MAML3: variants seen among roughly 807,000 people sequenced by gnomAD.
MAML3 encodes the protein mastermind-like protein 3.
MAML3 carries 27 observed loss-of-function variants against 101.9 expected under a neutral mutation model. That is an observed-to-expected ratio of 0.27 (90% CI 0.20 to 0.37). The LOEUF (loss-of-function observed/expected upper bound fraction) is 0.37. Among genes scored for constraint, MAML3 ranks in the 10% least tolerant of loss-of-function variants. The pLI is 1.00. For missense variants in MAML3, 1,316 were observed against 1,444.9 expected (o/e 0.91, Z 1.45); for synonymous variants, 501 against 555.9 (o/e 0.90, Z 1.39).
intron 1 of MAML3, among the ~76,000 whole-genome samples, chr4:140,149,390 G>A (rs1419583430): frequency 6.6e-6 from 1 of 152,158 alleles, no homozygotes. Flanking sequence ...CTCTGTGGCA[G>A]CCTGGAGCCA....
intron 1 of MAML3, among the ~76,000 whole-genome samples, chr4:140,116,435 C>T (rs1728519963): frequency 6.6e-6 from 1 of 152,202 alleles, no homozygotes. Flanking sequence ...ATGTTCAGGG[C>T]TATTGCCAAT....
chr4:139,992,127 A>G (rs1225079147), intron 1 of MAML3, among the ~76,000 whole-genome samples: 2 of 152,116 alleles, frequency 1.3e-5, no homozygotes, highest in African/African-American at 4.8e-5. Flanking sequence ...TTGTATCTGG[A>G]TTCTTTTAAC....
chr4:139,743,290 C>G (rs13130086), intron 2 of MAML3, among the ~76,000 whole-genome samples: 92,460 of 152,014 alleles, frequency 0.61, 29,057 homozygotes, highest in Non-Finnish European at 0.7. Flanking sequence ...TGGAGTAGGA[C>G]AGGGAGATCT....
At chr4:139,745,140 G>A (rs1024900679) in intron 2 of MAML3, among the ~76,000 whole-genome samples, 3 of 151,192 alleles carry the variant, frequency 2.0e-5, no homozygotes, top group African/African-American at 4.9e-5. Context: ...AGAAGAGAAG[G>A]AAGGAAGGAG....
At chr4:139,898,924 GTTAT>G (rs1446127271) in intron 1 of MAML3, among the ~76,000 whole-genome samples, 1 of 152,154 alleles carries the variant, frequency 6.6e-6, no homozygotes, top group Admixed American at 6.5e-5. Flanking sequence ...GATCTTGAGC[GTTAT>G]TTAGAGGTTT....
At chr4:140,052,112 A>C (rs1207301878) in intron 1 of MAML3, among the ~76,000 whole-genome samples, 2 of 152,188 alleles carry the variant, frequency 1.3e-5, no homozygotes, top group African/African-American at 4.8e-5. Flanking sequence ...AGAATGTGGG[A>C]GGCTTAAGTA....
At chr4:140,100,285 T>C (rs1283946169) in intron 1 of MAML3, among the ~76,000 whole-genome samples, 5 of 152,222 alleles carry the variant, frequency 3.3e-5, no homozygotes, top group Non-Finnish European at 7.3e-5. Context: ...TCTATGCCTT[T>C]CTCAAGTTTA....
chr4:139,837,011 A>T (rs1234510615), intron 2 of MAML3, among the ~76,000 whole-genome samples: 1 of 151,404 alleles, frequency 6.6e-6, no homozygotes, highest in Non-Finnish European at 1.5e-5. Flanking sequence ...AATCCCAGCT[A>T]CTCAGGAGGC....
chr4:140,089,965 G>C (rs1473666450), intron 1 of MAML3, among the ~76,000 whole-genome samples: 4 of 152,220 alleles, frequency 2.6e-5, no homozygotes, highest in Non-Finnish European at 5.9e-5. Flanking sequence ...AAAATTCACA[G>C]AAAGGTACAC....
At chr4:140,063,411 T>C (rs1456586041) in intron 1 of MAML3, among the ~76,000 whole-genome samples, 2 of 152,122 alleles carry the variant, frequency 1.3e-5, no homozygotes, top group East Asian at 3.9e-4. Flanking sequence ...GTGACTCAAG[T>C]CATGCCATTC....
chr4:139,963,502 T>C (rs1254116779), intron 1 of MAML3, among the ~76,000 whole-genome samples: 2 of 152,186 alleles, frequency 1.3e-5, no homozygotes, highest in African/African-American at 2.4e-5. Flanking sequence ...TGGCCGACAA[T>C]GAAACATCGG....
chr4:140,126,550 A>G (rs1156265306), intron 1 of MAML3, among the ~76,000 whole-genome samples: 1 of 152,196 alleles, frequency 6.6e-6, no homozygotes, highest in Non-Finnish European at 1.5e-5. Context: ...CGCCTCCTTC[A>G]GAAATACACT....
chr4:139,911,916 T>C (rs940593325), intron 1 of MAML3, among the ~76,000 whole-genome samples: 1 of 152,228 alleles, frequency 6.6e-6, no homozygotes, highest in African/African-American at 2.4e-5. Context: ...TACAGCAGCC[T>C]GGAAAGACTA....
At chr4:139,934,279 C>T (rs1462999279) in intron 1 of MAML3, among the ~76,000 whole-genome samples, 2 of 151,110 alleles carry the variant, frequency 1.3e-5, no homozygotes, top group African/African-American at 4.9e-5. Flanking sequence ...GTGTGTGGGA[C>T]TATGGGTGTG....
intron 2 of MAML3, among the ~76,000 whole-genome samples, chr4:139,808,861 G>A (rs1429549995): frequency 1.3e-5 from 2 of 152,214 alleles, no homozygotes; most frequent in African/African-American, 4.8e-5. Flanking sequence ...CGATCCCTGA[G>A]ACAAGGGGTG....
chr4:139,791,436 T>C (rs1422901037), intron 2 of MAML3, among the ~76,000 whole-genome samples: 1 of 147,392 alleles, frequency 6.8e-6, no homozygotes. Flanking sequence ...GAGGTGGAGG[T>C]TGCAGTGAGT....
chr4:139,826,838 G>C (rs570843574), intron 2 of MAML3, among the ~76,000 whole-genome samples: 1 of 152,198 alleles, frequency 6.6e-6, no homozygotes, highest in South Asian at 2.1e-4. Flanking sequence ...ATCACACAAA[G>C]ATCCCTCTCC....
chr4:140,076,872 T>C (rs1727776490), intron 1 of MAML3, among the ~76,000 whole-genome samples: 1 of 152,136 alleles, frequency 6.6e-6, no homozygotes, highest in Non-Finnish European at 1.5e-5. Context: ...TTGTTTTTGT[T>C]TTTTTCTTTT....
chr4:139,863,695 A>T (rs1024293275), intron 2 of MAML3, among the ~76,000 whole-genome samples: 2 of 152,180 alleles, frequency 1.3e-5, no homozygotes, highest in Non-Finnish European at 2.9e-5. Context: ...CTCAAAAGGA[A>T]GATGAAAGTG....
Sources: allele counts gnomAD v4.1 joint callset (sites outside exome capture counted in the v4.1 genomes callset), GRCh38; gene constraint gnomAD v4.1.1; transcripts MANE v1.5; gene names NCBI Gene and HGNC (gene_info 2026-07-23, HGNC 2026-07-21).